MROH2B: variants seen among roughly 807,000 people sequenced by gnomAD.
MROH2B encodes the protein maestro heat-like repeat-containing protein family member 2B.
In MROH2B, 177 loss-of-function variants were observed where a neutral mutation model predicts 208.6. The ratio of observed to expected loss-of-function variants is 0.85; its 90% CI spans 0.75 to 0.96. MROH2B has a LOEUF of 0.96. Among genes scored for constraint, MROH2B ranks in the 40% least tolerant of loss-of-function variants. The probability of loss-of-function intolerance (pLI) is 0.00; values close to 1 mark genes in which losing one functional copy is unlikely to be tolerated. For synonymous variants in MROH2B, 728 were observed against 659.0 expected, an observed-to-expected ratio of 1.10 and a Z score of -1.60; for missense variants, 2,002 against 1,878.7, an observed-to-expected ratio of 1.07 and a Z score of -1.21.
chr5:41,038,371 T>A (rs1325204851), intron 21 of MROH2B, among the ~76,000 whole-genome samples: 3 of 152,126 alleles, frequency 2.0e-5, no homozygotes, highest in Non-Finnish European at 4.4e-5. Flanking sequence ...ATCACAGCAG[T>A]GGTAGGACAT....
At chr5:41,057,226 G>T (rs747208466) in intron 8 of MROH2B, 42 bp downstream of exon 8, 5 of 1,610,926 alleles carry the variant, frequency 3.1e-6, no homozygotes, top group Admixed American at 1.7e-5. Flanking sequence ...ACAGAAAACC[G>T]GTTGAAATTA....
rs755253773 is a variant in MROH2B at position 41,004,846 on chromosome 5, C to T, written c.3939G>A (p.Trp1313Ter). The T allele has an allele frequency of 6.2e-7, 1 of 1,614,008 alleles. No individual in the cohort carries two copies. The highest frequency in any genetic ancestry group is 8.5e-7 in the Non-Finnish European group (1 of 1,179,892). ...TCTGCCTCAGAGTGGCGTTGGAGTC[C>T]CAGGCACTTTGATCCATCAAGATCA... is the stretch of plus-strand genomic sequence containing the variant. ...NVLILMDQSAWDSNATLRQMA... is the reference protein window; with the variant it reads ...NVLILMDQSA The change falls in exon 36 of 42, where the codon TGG becomes TGA. Residue 1313 changes from tryptophan to a stop codon, truncating the protein, a stop_gained. Coordinates refer to ENST00000399564, the MANE Select transcript of MROH2B (RefSeq NM_173489.5). LOFTEE classifies it high-confidence loss of function.
intron 29 of MROH2B, among the ~76,000 whole-genome samples, chr5:41,013,314 G>A (rs747113275): frequency 6.6e-6 from 1 of 152,148 alleles, no homozygotes; most frequent in Non-Finnish European, 1.5e-5. Flanking sequence ...TGCAATTGTT[G>A]TCTCTAGGTA....
intron 24 of MROH2B, among the ~76,000 whole-genome samples, chr5:41,026,651 AC>A (rs1742371596): frequency 1.3e-5 from 2 of 152,204 alleles, no homozygotes; most frequent in African/African-American, 4.8e-5. Flanking sequence ...CTGTCAAGCT[AC>A]CCATGACTTT....
At chr5:41,036,033 C>G (rs910045959) in intron 21 of MROH2B, among the ~76,000 whole-genome samples, 1 of 152,020 alleles carries the variant, frequency 6.6e-6, no homozygotes, top group African/African-American at 2.4e-5. Flanking sequence ...GACACATGCA[C>G]TCATATGTTC....
At chr5:41,052,352 T>A in intron 12 of MROH2B, 113 bp downstream of exon 12, 1 of 1,013,948 alleles carries the variant, frequency 9.9e-7, no homozygotes, top group Non-Finnish European at 1.3e-6. Flanking sequence ...TTATTTATTT[T>A]TTACTCTACT....
intron 16 of MROH2B, 144 bp downstream of exon 16, chr5:41,048,180 A>G (rs1353531065): frequency 1.0e-6 from 1 of 995,488 alleles, no homozygotes; most frequent in Non-Finnish European, 1.4e-6. Flanking sequence ...AGTTAAGAAG[A>G]AAAAAATAGC....
intron 19 of MROH2B, among the ~76,000 whole-genome samples, chr5:41,041,063 C>T (rs1029995210): frequency 6.6e-6 from 1 of 151,946 alleles, no homozygotes. Context: ...TAACCTATAC[C>T]AGAGATAAGA....
chr5:41,067,260 A>G (rs1227402035), intron 2 of MROH2B, 42 bp from the exon 3 acceptor site: 1 of 1,081,624 alleles, frequency 9.2e-7, no homozygotes, highest in African/African-American at 1.6e-5. Flanking sequence ...TGGCTTGCAA[A>G]AATAAAGGAA....
intron 2 of MROH2B, among the ~76,000 whole-genome samples, 172 bp from the exon 3 acceptor site, chr5:41,067,390 G>A (rs1156447291): frequency 6.6e-6 from 1 of 151,500 alleles, no homozygotes; most frequent in Admixed American, 6.6e-5. Flanking sequence ...TTTTAAGATG[G>A]AGTTTTGCTC....
At chr5:41,000,952 C>T (rs1298810902) in intron 37 of MROH2B, 119 bp from the exon 38 acceptor site, 1 of 1,148,712 alleles carries the variant, frequency 8.7e-7, no homozygotes, top group Non-Finnish European at 1.2e-6. Context: ...AACCCAGGCA[C>T]TTGTCCATCA....
At chr5:41,012,130 T>C (rs1430475772) in intron 30 of MROH2B, among the ~76,000 whole-genome samples, 4 of 152,222 alleles carry the variant, frequency 2.6e-5, no homozygotes, top group Admixed American at 2.0e-4. Flanking sequence ...TTGAGGACTT[T>C]CCCCAATCCA....
intron 15 of MROH2B, among the ~76,000 whole-genome samples, chr5:41,048,894 G>T (rs192194876): frequency 3.1e-4 from 47 of 152,296 alleles, no homozygotes; most frequent in African/African-American, 1.1e-3. Flanking sequence ...TATAAGTAAA[G>T]TTCAACAAGT....
intron 21 of MROH2B, 42 bp from the exon 22 acceptor site, chr5:41,033,906 C>A (rs1215195727): frequency 1.9e-6 from 3 of 1,548,002 alleles, no homozygotes; most frequent in Non-Finnish European, 2.6e-6. Context: ...CAATGAGTGG[C>A]ATTGAGAGAT....
rs544764215 is a variant in MROH2B, at chr5:41,032,038, G to A, written c.2441+704C>T. Among the ~76,000 whole-genome samples the A allele has an allele frequency of 1.2e-4, 18 of 152,178 alleles. No homozygotes were observed. In the South Asian group the frequency reaches 2.5e-3, roughly 21 times the overall value. The stretch of plus-strand genomic sequence containing the variant: ...GTGAATAGTGCTGCAGTGAACATAC[G>A]CATGCATATGTCTTCACAGTAGAGC... On this transcript the variant is annotated intron_variant, in intron 24 of 41. Transcript: ENST00000399564.
At chr5:41,065,886 T>C (rs1476017134) in intron 3 of MROH2B, among the ~76,000 whole-genome samples, 2 of 152,152 alleles carry the variant, frequency 1.3e-5, no homozygotes, top group African/African-American at 4.8e-5. Flanking sequence ...ATTTATAAGC[T>C]CCTCTAGCGT....
chr5:41,024,415 A>G (rs1268769681), intron 24 of MROH2B, among the ~76,000 whole-genome samples: 1 of 152,180 alleles, frequency 6.6e-6, no homozygotes, highest in African/African-American at 2.4e-5. Flanking sequence ...CTTTAAACCA[A>G]AAAAGATCAA....
chr5:41,048,346 A>C lies in MROH2B; in HGVS notation c.1662T>G (p.Pro554=), dbSNP rs373492143. ...TACCTTCCAGAGGCTGCAGAAGCTCAGGTAAACGTGTTTTCCATAGGTCTA... is the reference window on the plus strand; with the variant it reads ...TACCTTCCAGAGGCTGCAGAAGCTCCGGTAAACGTGTTTTCCATAGGTCTA... ...KLVDLWKTRL[P]ELLQPLEGKN... Residue 554 remains proline (P), a synonymous_variant, in exon 16 of 42, where the codon CCT becomes CCG. Transcript: ENST00000399564. 6.2e-7 allele frequency: 1 copy of C among 1,613,266 alleles called. No individual in the cohort carries two copies.
intron 24 of MROH2B, among the ~76,000 whole-genome samples, chr5:41,020,936 T>C (rs60692342): frequency 0.076 from 11,544 of 152,246 alleles, 477 homozygotes; most frequent in African/African-American, 0.11. Context: ...TGCTGGAAGT[T>C]CTAGCCAGAG....
Sources: gnomAD v4.1 joint callset for allele counts (sites outside exome capture counted in the v4.1 genomes callset) on GRCh38, gnomAD v4.1.1 for gene constraint, MANE v1.5 for transcripts, NCBI Gene and HGNC (gene_info 2026-07-23, HGNC 2026-07-21) for gene names.